MARCHF1: variants seen among roughly 807,000 people sequenced by gnomAD.
The protein encoded by MARCHF1 is membrane associated ring-CH-type finger 1, also known as E3 ubiquitin-protein ligase MARCHF1.
A neutral mutation model predicts 54.2 loss-of-function variants in MARCHF1; 40 were observed. The ratio of observed to expected loss-of-function variants is 0.74; its 90% CI spans 0.57 to 0.96. The LOEUF is 0.96. MARCHF1 is among the 40% of genes least tolerant of loss of function. The pLI is 0.00. For missense variants in MARCHF1, 586 were observed against 656.5 expected, an observed-to-expected ratio of 0.89 and a Z score of 1.17; for synonymous variants, 236 against 236.3, an observed-to-expected ratio of 1.00 and a Z score of 0.01.
intron 2 of MARCHF1, among the ~76,000 whole-genome samples, chr4:164,008,172 G>T (rs1392603895): frequency 6.6e-6 from 1 of 152,112 alleles, no homozygotes; most frequent in East Asian, 1.9e-4. Context: ...CCAATAAAGA[G>T]CAGAAGTAGT....
chr4:163,588,202 G>A (rs998999831), intron 7 of MARCHF1, among the ~76,000 whole-genome samples: 2 of 152,162 alleles, frequency 1.3e-5, no homozygotes, highest in African/African-American at 4.8e-5. Context: ...GACTTAGGAA[G>A]CAGCCACATT....
chr4:163,938,051 C>T (rs1751838765), intron 3 of MARCHF1, among the ~76,000 whole-genome samples: 1 of 152,030 alleles, frequency 6.6e-6, no homozygotes, highest in Non-Finnish European at 1.5e-5. Flanking sequence ...CTCTAAATTG[C>T]ACTGGAATTA....
chr4:163,691,366 T>C (rs1345305705), intron 5 of MARCHF1, among the ~76,000 whole-genome samples: 1 of 152,208 alleles, frequency 6.6e-6, no homozygotes, highest in Non-Finnish European at 1.5e-5. Flanking sequence ...GATGACAGCA[T>C]GAGAAAATTC....
intron 1 of MARCHF1, among the ~76,000 whole-genome samples, chr4:164,186,178 C>A (rs192382214): frequency 4.7e-4 from 71 of 152,292 alleles, no homozygotes; most frequent in African/African-American, 1.7e-3. Context: ...CAGACATGAG[C>A]CACTGTGCCC....
chr4:163,632,733 G>C (rs1450091077), intron 5 of MARCHF1, among the ~76,000 whole-genome samples: 4 of 152,260 alleles, frequency 2.6e-5, no homozygotes, highest in African/African-American at 9.6e-5. Context: ...CTCGAACTGG[G>C]TGGAGCCCAC....
intron 1 of MARCHF1, among the ~76,000 whole-genome samples, chr4:164,158,774 A>G (rs879511883): frequency 1.4e-4 from 22 of 152,140 alleles, no homozygotes; most frequent in Admixed American, 9.8e-4. Context: ...TGCTATTCCT[A>G]TTACCACATT....
chr4:163,726,951 T>C (rs1167440789), intron 4 of MARCHF1, among the ~76,000 whole-genome samples: 2 of 152,256 alleles, frequency 1.3e-5, no homozygotes, highest in Non-Finnish European at 2.9e-5. Flanking sequence ...GAGTTCTTTG[T>C]GCATTTTGGG....
At chr4:163,685,805 C>G (rs1744251966) in intron 5 of MARCHF1, among the ~76,000 whole-genome samples, 1 of 152,106 alleles carries the variant, frequency 6.6e-6, no homozygotes, top group South Asian at 2.1e-4. Context: ...TAGTATTGGT[C>G]CTACATAATC....
chr4:164,191,877 GT>G (rs1414138795), intron 1 of MARCHF1, among the ~76,000 whole-genome samples: 1 of 152,046 alleles, frequency 6.6e-6, no homozygotes. Context: ...TATATCATAT[GT>G]GTTGTAACAT....
intron 4 of MARCHF1, among the ~76,000 whole-genome samples, chr4:163,722,973 T>C (rs896311936): frequency 2.7e-5 from 4 of 150,346 alleles, no homozygotes; most frequent in African/African-American, 1.0e-4. Flanking sequence ...CTTGACTCTT[T>C]ATCCAATTTG....
At chr4:163,653,445 T>A (rs188191131) in intron 5 of MARCHF1, among the ~76,000 whole-genome samples, 2 of 151,826 alleles carry the variant, frequency 1.3e-5, no homozygotes, top group East Asian at 3.9e-4. Flanking sequence ...TTTTCTTAAT[T>A]GTGTAGAGAA....
rs900134988 is a variant in MARCHF1, at chr4:163,917,717, C to T, written c.-38-63548G>A. On this transcript the variant is annotated intron_variant, in intron 3 of 9. Transcript: ENST00000514618. ...TGGTGGTTTGCTGCACAGATCAACCCGTCACCTAGGTGTTAAGACCCCAGC... is the reference window on the plus strand; with the variant it reads ...TGGTGGTTTGCTGCACAGATCAACCTGTCACCTAGGTGTTAAGACCCCAGC... Among the ~76,000 whole-genome samples, 12 of 152,152 alleles carry T rather than the reference C, an allele frequency of 7.9e-5. No homozygotes were observed. In the East Asian group the frequency reaches 9.6e-4, roughly 12 times the overall value.
intron 3 of MARCHF1, among the ~76,000 whole-genome samples, chr4:163,938,158 A>G (rs72687920): frequency 0.13 from 19,455 of 152,158 alleles, 1,336 homozygotes; most frequent in Non-Finnish European, 0.15. Flanking sequence ...GTATGAACCC[A>G]TTTGGCACAC....
chr4:163,723,312 G>A (rs1445998701), intron 4 of MARCHF1, among the ~76,000 whole-genome samples: 1 of 152,068 alleles, frequency 6.6e-6, no homozygotes, highest in Non-Finnish European at 1.5e-5. Context: ...TGAAATTCTG[G>A]GTTGAAAATT....
intron 1 of MARCHF1, among the ~76,000 whole-genome samples, chr4:164,134,401 C>T (rs1756358909): frequency 6.6e-6 from 1 of 152,266 alleles, no homozygotes; most frequent in Middle Eastern, 3.4e-3. Flanking sequence ...ATTTACTTTT[C>T]CTGAGAGAAT....
intron 1 of MARCHF1, among the ~76,000 whole-genome samples, chr4:164,153,226 C>T (rs965807551): frequency 2.6e-5 from 4 of 151,918 alleles, no homozygotes; most frequent in African/African-American, 9.7e-5. Context: ...AACCATCAAC[C>T]ACTAAAGCAG....
chr4:163,971,889 A>G (rs960326128), intron 3 of MARCHF1, among the ~76,000 whole-genome samples: 25 of 152,252 alleles, frequency 1.6e-4, no homozygotes, highest in Non-Finnish European at 2.9e-4. Context: ...TATGGAAGCC[A>G]CATGCACATG....
At chr4:164,017,654 A>G (rs1267669060) in intron 2 of MARCHF1, among the ~76,000 whole-genome samples, 2 of 151,918 alleles carry the variant, frequency 1.3e-5, no homozygotes, top group African/African-American at 4.8e-5. Context: ...CTGAAATAAA[A>G]TGAAGATAAA....
intron 4 of MARCHF1, among the ~76,000 whole-genome samples, chr4:163,833,826 A>G (rs1749100585): frequency 6.6e-6 from 1 of 152,170 alleles, no homozygotes. Flanking sequence ...ACTGTGGAAT[A>G]ATGAGTTTCA....
Sources: allele counts gnomAD v4.1 joint callset (sites outside exome capture counted in the v4.1 genomes callset), GRCh38; gene constraint gnomAD v4.1.1; transcripts MANE v1.5; gene names NCBI Gene and HGNC (gene_info 2026-07-23, HGNC 2026-07-21).